FLI1: variants seen among roughly 807,000 people sequenced by gnomAD.
FLI1 encodes Fli-1 proto-oncogene, ETS transcription factor.
Under a neutral mutation model 53.1 loss-of-function variants are expected in FLI1, and 13 were observed. The ratio of observed to expected loss-of-function variants is 0.24; its 90% CI spans 0.16 to 0.39. The LOEUF is 0.39. Among genes scored for constraint, FLI1 ranks in the 10% least tolerant of loss-of-function variants. FLI1 has a pLI of 1.00. For synonymous variants in FLI1, 244 were observed against 236.7 expected (o/e 1.03, Z -0.28); for missense variants, 424 against 600.5 (o/e 0.71, Z 3.07).
chr11:128,692,315 G>A (rs1233193505), upstream of FLI1, among the ~76,000 whole-genome samples: 1 of 152,162 alleles, frequency 6.6e-6, no homozygotes, highest in South Asian at 2.1e-4. Flanking sequence ...CAGGCAAAGG[G>A]GGGGACTGAC....
In FLI1 at chr11:128,724,450, G is replaced by A. The variant is rs532641314; in HGVS notation, c.18+30174G>A. ...AGGCTATAGGGAATTTGGGTTTTCT[G>A]TTGTCAATGATGGGAAAATCAGTGC... On this transcript the variant is annotated intron_variant, in intron 1 of 8. Coordinates refer to ENST00000527786, the MANE Select transcript of FLI1 (RefSeq NM_002017.5). Among the ~76,000 whole-genome samples the A allele has an allele frequency of 1.6e-4, 24 of 152,348 alleles. No individual in the cohort carries two copies. In the East Asian group the frequency reaches 3.9e-3, roughly 25 times the overall value.
intron 1 of FLI1, among the ~76,000 whole-genome samples, chr11:128,698,691 G>T (rs1208893145): frequency 7.2e-6 from 1 of 139,278 alleles, no homozygotes; most frequent in African/African-American, 2.7e-5. Flanking sequence ...AATCGTGGAG[G>T]CAGTGTGTGT....
At chr11:128,772,663 T>G in intron 3 of FLI1, 119 bp from the exon 4 acceptor site, 1 of 799,894 alleles carries the variant, frequency 1.3e-6, no homozygotes, top group Non-Finnish European at 2.1e-6. Context: ...GGAAGGGAGC[T>G]CTCCCAGAGA....
At chr11:128,777,079 C>G (rs982377910) in intron 4 of FLI1, among the ~76,000 whole-genome samples, 1 of 152,216 alleles carries the variant, frequency 6.6e-6, no homozygotes, top group Non-Finnish European at 1.5e-5. Flanking sequence ...GTATCTCTCC[C>G]GGACACACCC....
At chr11:128,687,608 C>A (rs558044127) in intron 1 of FLI1, among the ~76,000 whole-genome samples, 25 of 152,288 alleles carry the variant, frequency 1.6e-4, no homozygotes, top group African/African-American at 5.3e-4. Context: ...CTCCCCAGAC[C>A]GGTCAGTGAG....
At chr11:128,701,147 TA>T (rs1370783011) in intron 1 of FLI1, among the ~76,000 whole-genome samples, 1 of 152,108 alleles carries the variant, frequency 6.6e-6, no homozygotes, top group Non-Finnish European at 1.5e-5. Context: ...AATATGGCAT[TA>T]GGGGAGGGAG....
chr11:128,731,795 G>C (rs1316078985), intron 1 of FLI1, among the ~76,000 whole-genome samples: 1 of 152,080 alleles, frequency 6.6e-6, no homozygotes, highest in African/African-American at 2.4e-5. Context: ...TTGAGGTCAG[G>C]AGTTCGAGAT....
chr11:128,746,343 A>T (rs1273527684), intron 1 of FLI1, among the ~76,000 whole-genome samples: 1 of 151,584 alleles, frequency 6.6e-6, no homozygotes, highest in Admixed American at 6.6e-5. Flanking sequence ...CAGGAATCGA[A>T]GAGACAACCA....
At chr11:128,710,904 TAGG>T (rs1310326566) in intron 1 of FLI1, among the ~76,000 whole-genome samples, 6 of 152,258 alleles carry the variant, frequency 3.9e-5, no homozygotes, top group Non-Finnish European at 7.3e-5. Flanking sequence ...GCACAATTTT[TAGG>T]AGAAGAGATT....
intron 1 of FLI1, among the ~76,000 whole-genome samples, chr11:128,731,440 A>C (rs1462921321): frequency 6.6e-6 from 1 of 151,340 alleles, no homozygotes; most frequent in Non-Finnish European, 1.5e-5. Context: ...ACAAAACAAG[A>C]GGTCAAGTAT....
intron 1 of FLI1, among the ~76,000 whole-genome samples, chr11:128,756,897 G>A (rs750563392): frequency 3.3e-5 from 5 of 151,446 alleles, no homozygotes; most frequent in South Asian, 2.1e-4. Flanking sequence ...TTTAGTTGTC[G>A]TTGTTGTTGT....
intron 1 of FLI1, among the ~76,000 whole-genome samples, chr11:128,733,128 C>A (rs113893740): frequency 1.3e-3 from 197 of 152,084 alleles, no homozygotes; most frequent in African/African-American, 4.5e-3. Flanking sequence ...GGGAAAGGGC[C>A]GCACAATGCA....
At chr11:128,764,863 G>T in intron 2 of FLI1, 1 of 1,578,868 alleles carries the variant, frequency 6.3e-7, no homozygotes, top group Non-Finnish European at 8.5e-7. Flanking sequence ...GTGGGAGGAG[G>T]GCCAGCTGGG....
chr11:128,753,327 A>T (rs1175347778), intron 1 of FLI1, among the ~76,000 whole-genome samples: 1 of 152,240 alleles, frequency 6.6e-6, no homozygotes, highest in Non-Finnish European at 1.5e-5. Flanking sequence ...AGTCAATTTT[A>T]CATAGCATGG....
At chr11:128,770,403 A>G (rs536285104) in intron 3 of FLI1, among the ~76,000 whole-genome samples, 2 of 152,246 alleles carry the variant, frequency 1.3e-5, no homozygotes, top group Non-Finnish European at 1.5e-5. Flanking sequence ...GCAAGTCCAC[A>G]AATCAAGGCA....
At chr11:128,738,595 C>T (rs1252121941) in intron 1 of FLI1, among the ~76,000 whole-genome samples, 1 of 152,264 alleles carries the variant, frequency 6.6e-6, no homozygotes. Context: ...TGGCACCCCA[C>T]TTCAAGCTGT....
At chr11:128,773,276 A>G (rs1283132395) in intron 4 of FLI1, among the ~76,000 whole-genome samples, 1 of 152,206 alleles carries the variant, frequency 6.6e-6, no homozygotes, top group African/African-American at 2.4e-5. Context: ...CTTTCCAGAA[A>G]CTATTCCAAT....
Position 128,768,269 on chromosome 11 carries a change from G to A in FLI1, c.382G>A (p.Ala128Thr), listed in dbSNP as rs532130250. 9 of 1,613,772 alleles carry A rather than the reference G, an allele frequency of 5.6e-6. No individual in the cohort carries two copies. The highest frequency in any genetic ancestry group is 6.8e-6 in the Non-Finnish European group (8 of 1,179,868). The change falls in exon 3 of 9, where the codon GCA (alanine) becomes ACA (threonine). Residue 128 changes from alanine (A) to threonine (T), a missense_variant. Coordinates refer to ENST00000527786, the MANE Select transcript of FLI1 (RefSeq NM_002017.5). ...CAACGAGAGGAGAGTCATCGTCCCCGCAGGTAATTCGAGAACCAGGCTGCC... is the reference window on the plus strand; with the variant it reads ...CAACGAGAGGAGAGTCATCGTCCCCACAGGTAATTCGAGAACCAGGCTGCC... ...TTNERRVIVP[A>T]DPTLWTQEHV...
At chr11:128,800,154 C>CT (rs1942585859) in intron 5 of FLI1, among the ~76,000 whole-genome samples, 1 of 152,162 alleles carries the variant, frequency 6.6e-6, no homozygotes, top group African/African-American at 2.4e-5. Flanking sequence ...CTGGATCTGG[C>CT]TACCAAATCC....
Sources: gnomAD v4.1 joint callset for allele counts (sites outside exome capture counted in the v4.1 genomes callset) on GRCh38, gnomAD v4.1.1 for gene constraint, MANE v1.5 for transcripts, NCBI Gene and HGNC (gene_info 2026-07-23, HGNC 2026-07-21) for gene names.